Variants in KCNIP3 observed in about 807,000 individuals in gnomAD.
KCNIP3 encodes calsenilin.
KCNIP3 carries 28 observed loss-of-function variants against 35.0 expected under a neutral mutation model. The ratio of observed to expected loss-of-function variants is 0.80; its 90% confidence interval spans 0.59 to 1.10. The LOEUF (loss-of-function observed/expected upper bound fraction) is 1.10. Ranked by LOEUF, KCNIP3 falls within the 50% of genes least tolerant of loss-of-function variation. The pLI is 0.00. For missense variants in KCNIP3, 295 were observed against 338.4 expected (o/e 0.87, Z 1.01); for synonymous variants, 134 against 133.8 (o/e 1.00, Z -0.01).
chr2:95,342,955 G>C (rs1167645357), intron 2 of KCNIP3, among the ~76,000 whole-genome samples: 1 of 152,218 alleles, frequency 6.6e-6, no homozygotes, highest in African/African-American at 2.4e-5. Context: ...GCCCCTGGTA[G>C]TTTCCAGTTG....
In KCNIP3 at chr2:95,324,867, C is replaced by T. The variant is rs1223510525; in HGVS notation, c.181+14347C>T. ...CTGAGGTTGCAATGAGCTGAGATGG[C>T]GCCACTGCACTCCAGCCTGGGTGAC... On this transcript the variant is annotated intron_variant, in intron 2 of 8. Transcript: ENST00000295225. Among the ~76,000 whole-genome samples the T allele has an allele frequency of 4.6e-5, 7 of 152,188 alleles. No individual in the cohort carries two copies. The South Asian group carries it at 8.3e-4, about 18-fold the overall frequency.
intron 1 of KCNIP3, among the ~76,000 whole-genome samples, chr2:95,308,722 C>T (rs1039517736): frequency 2.6e-5 from 4 of 152,298 alleles, no homozygotes; most frequent in South Asian, 2.1e-4. Context: ...CCAGGACTGG[C>T]TCTCTGTGCT....
chr2:95,301,361 C>G (rs1678023505), intron 1 of KCNIP3, among the ~76,000 whole-genome samples: 1 of 152,220 alleles, frequency 6.6e-6, no homozygotes, highest in African/African-American at 2.4e-5. Context: ...GACTAAAGGA[C>G]CCCGGGCAGG....
At chr2:95,320,995 T>C (rs1335098643) in intron 2 of KCNIP3, among the ~76,000 whole-genome samples, 1 of 116,690 alleles carries the variant, frequency 8.6e-6, no homozygotes, top group African/African-American at 3.3e-5. Flanking sequence ...CAGCCTTTCC[T>C]AGGCCCTCTC....
rs774868536 is a variant in KCNIP3 at position 95,374,863 on chromosome 2, C to T, written c.322C>T (p.Leu108=). The stretch of plus-strand genomic sequence containing the variant: ...CCTGCTGCAGGAGTGTCCCACGGGC[C>T]TGGTGGACGAAGACACCTTCAAACT... ...RGFKNECPTG[L]VDEDTFKLIY... is the part of the protein sequence containing the mutation. Residue 108 remains leucine (L), a synonymous_variant, in exon 4 of 9, where the codon CTG becomes TTG. Transcript: ENST00000295225. 21 of 1,613,802 alleles carry T rather than the reference C, an allele frequency of 1.3e-5. No individual in the cohort carries two copies. Among genetic ancestry groups the T allele is most frequent in the Non-Finnish European group, 1.7e-5 (20 of 1,180,010 alleles).
intron 2 of KCNIP3, among the ~76,000 whole-genome samples, chr2:95,349,166 G>A (rs939279209): frequency 6.6e-6 from 1 of 152,012 alleles, no homozygotes; most frequent in Non-Finnish European, 1.5e-5. Context: ...TCAGCCAGCC[G>A]AGGGCCTGGA....
chr2:95,366,119 T>C (rs1261666434), intron 2 of KCNIP3, among the ~76,000 whole-genome samples: 2 of 152,190 alleles, frequency 1.3e-5, no homozygotes, highest in Non-Finnish European at 2.9e-5. Flanking sequence ...GAGGTAGGAC[T>C]ACAGGTGTGC....
intron 1 of KCNIP3, among the ~76,000 whole-genome samples, chr2:95,305,291 CCTT>C (rs576093946): frequency 6.5e-4 from 99 of 152,274 alleles, no homozygotes; most frequent in African/African-American, 2.1e-3. Flanking sequence ...GTTTTTAACA[CCTT>C]CTTTTTGGGT....
intron 2 of KCNIP3, among the ~76,000 whole-genome samples, chr2:95,316,315 G>T (rs994254093): frequency 3.3e-5 from 5 of 152,222 alleles, no homozygotes; most frequent in Non-Finnish European, 7.3e-5. Context: ...GCCGGGCACC[G>T]CACCTTCCTT....
chr2:95,367,852 C>A (rs1406626921), intron 2 of KCNIP3, among the ~76,000 whole-genome samples: 1 of 151,166 alleles, frequency 6.6e-6, no homozygotes, highest in Non-Finnish European at 1.5e-5. Flanking sequence ...ACCTCTGCCT[C>A]CCAGGTTCAA....
rs927307197 is a variant in KCNIP3, at chr2:95,346,814, C to G, written c.182-27482C>G. On this transcript the variant is annotated intron_variant, in intron 2 of 8. Coordinates refer to ENST00000295225, the MANE Select transcript of KCNIP3 (RefSeq NM_013434.5). ...GGCCGCCGCGTCCGGTCCCCGCGTC[C>G]AGCCTCCGGCCTGACCCGCTCGCCG... 33 of 196,960 alleles carry G rather than the reference C, an allele frequency of 1.7e-4. No individual in the cohort carries two copies. In the East Asian group the frequency reaches 1.8e-3, roughly 11 times the overall value. 12.2% of individuals were successfully genotyped at this position (196,960 alleles called of 1,614,324 possible).
At chr2:95,347,317 G>T (rs1384916929) in intron 2 of KCNIP3, among the ~76,000 whole-genome samples, 1 of 152,206 alleles carries the variant, frequency 6.6e-6, no homozygotes, top group African/African-American at 2.4e-5. Context: ...GGACGAAGCC[G>T]CAGCGCTTGG....
intron 2 of KCNIP3, among the ~76,000 whole-genome samples, chr2:95,336,486 T>A (rs1009292574): frequency 3.3e-5 from 5 of 152,256 alleles, no homozygotes; most frequent in African/African-American, 1.2e-4. Context: ...CATAGTTATT[T>A]TGAACTATGT....
At chr2:95,383,951 G>T (rs199894648) in intron 8 of KCNIP3, 51 bp from the exon 9 acceptor site, 10 of 1,560,824 alleles carry the variant, frequency 6.4e-6, no homozygotes, top group Admixed American at 1.7e-5. Flanking sequence ...AAGGGGGTCG[G>T]ATTTGGAGCC....
At chr2:95,326,079 ACACT>A (rs1678769214) in intron 2 of KCNIP3, among the ~76,000 whole-genome samples, 2 of 104,760 alleles carry the variant, frequency 1.9e-5, no homozygotes, top group South Asian at 3.0e-4. Context: ...TCATACTAAC[ACACT>A]CATATACACA....
chr2:95,323,584 G>A (rs968669076), intron 2 of KCNIP3, among the ~76,000 whole-genome samples: 6 of 152,082 alleles, frequency 3.9e-5, no homozygotes, highest in African/African-American at 4.8e-5. Flanking sequence ...CAACGCGTCC[G>A]CCTCCCTGGA....
At position 95,376,689 on chromosome 2, in the gene KCNIP3, G is replaced by C. The variant is rs991855210; in HGVS notation, c.447+1481G>C. Among the ~76,000 whole-genome samples the C allele has an allele frequency of 6.6e-6, 1 of 152,222 alleles. No individual in the cohort carries two copies. Among genetic ancestry groups the C allele is most frequent in the Non-Finnish European group, 1.5e-5 (1 of 68,044 alleles). ...TTTCAAAGTGTTCTGCTCTGGGAAG[G>C]AGGAGGGCACAAGCCCCCATGGCCC... On this transcript the variant is annotated intron_variant, in intron 5 of 8. Coordinates refer to ENST00000295225, the MANE Select transcript of KCNIP3 (RefSeq NM_013434.5). This position sits in a 1 kb window ranked among gnomAD's most constrained non-coding sequence, Gnocchi z 4.2.
At chr2:95,369,814 G>C (rs532926404) in intron 2 of KCNIP3, among the ~76,000 whole-genome samples, 33 of 152,134 alleles carry the variant, frequency 2.2e-4, no homozygotes, top group African/African-American at 7.7e-4. Context: ...TGTAGAGACA[G>C]GGTCTTGCTA....
At chr2:95,379,636 G>C (rs1209378052) in intron 5 of KCNIP3, among the ~76,000 whole-genome samples, 7 of 152,220 alleles carry the variant, frequency 4.6e-5, no homozygotes, top group Non-Finnish European at 1.5e-5. Flanking sequence ...ACCTGGGAGT[G>C]TCTTTATTCT....
Sources: gnomAD v4.1 joint callset for allele counts (sites outside exome capture counted in the v4.1 genomes callset) on GRCh38, gnomAD v4.1.1 for gene constraint, Gnocchi (gnomAD v3.1) non-coding constraint, MANE v1.5 for transcripts, NCBI Gene and HGNC (gene_info 2026-07-23, HGNC 2026-07-21) for gene names.